The following PMFBP1 variants were observed in gnomAD, a reference collection of about 807,000 sequenced individuals.
PMFBP1 encodes polyamine-modulated factor 1-binding protein 1.
PMFBP1 carries 131 observed loss-of-function variants against 137.8 expected under a neutral mutation model. That is an observed-to-expected ratio of 0.95 (90% CI 0.82 to 1.10). PMFBP1 has a LOEUF of 1.10. PMFBP1 is among the 50% of genes least tolerant of loss of function. The probability of loss-of-function intolerance (pLI) is 0.00; values close to 1 mark genes in which losing one functional copy is unlikely to be tolerated. For synonymous variants in PMFBP1, 490 were observed against 450.4 expected (o/e 1.09, Z -1.11); for missense variants, 1,199 against 1,175.4 (o/e 1.02, Z -0.29).
chr16:72,241,973 C>T, the PMFBP1 span, among the ~76,000 whole-genome samples: 1 of 152,178 alleles, frequency 6.6e-6, no homozygotes, highest in African/African-American at 2.4e-5. Context: ...ATGCCTTGAT[C>T]GACTTGGACC....
Position 72,140,397 on chromosome 16 carries a change from G to T in PMFBP1, c.807+15C>A, listed in dbSNP as rs1006008268. ...GAGGGTCTCCCAGAGACATGTTCTA[G>T]AAGAAGGCACTTACCAAAGCGTTAC... is the stretch of plus-strand genomic sequence containing the variant. On this transcript the variant is annotated intron_variant, in intron 6 of 20. Transcript: ENST00000237353. The T allele has an allele frequency of 1.1e-5, 17 of 1,605,716 alleles. No individual in the cohort carries two copies. The highest frequency in any genetic ancestry group is 5.4e-5 in the African/African-American group (4 of 74,728).
chr16:72,238,210 C>A, the PMFBP1 span, among the ~76,000 whole-genome samples: 1 of 152,170 alleles, frequency 6.6e-6, no homozygotes, highest in East Asian at 1.9e-4. Flanking sequence ...GTTTTTAGGT[C>A]TTTGAGGAGT....
chr16:72,144,407 T>G (rs75638062), intron 5 of PMFBP1, among the ~76,000 whole-genome samples: 341 of 152,166 alleles, frequency 2.2e-3, no homozygotes, highest in African/African-American at 7.8e-3. Context: ...ACTAAAAAAC[T>G]CTGACACTGG....
chr16:72,210,566 G>A, the PMFBP1 span, among the ~76,000 whole-genome samples: 1 of 151,226 alleles, frequency 6.6e-6, no homozygotes, highest in Non-Finnish European at 1.5e-5. Context: ...GTGCAGGTGA[G>A]CAAGGAACCC....
chr16:72,218,744 C>T, the PMFBP1 span, among the ~76,000 whole-genome samples: 2 of 152,180 alleles, frequency 1.3e-5, no homozygotes, highest in African/African-American at 4.8e-5. Flanking sequence ...TCCCTATGCT[C>T]ACTCGCCAAA....
At chr16:72,168,049 T>C (rs545782344) in intron 2 of PMFBP1, among the ~76,000 whole-genome samples, 1 of 152,360 alleles carries the variant, frequency 6.6e-6, no homozygotes, top group South Asian at 2.1e-4. Context: ...TCTCATCTAA[T>C]TTGTACATTT....
the PMFBP1 span, among the ~76,000 whole-genome samples, chr16:72,195,183 C>T: frequency 6.6e-6 from 1 of 152,180 alleles, no homozygotes; most frequent in Non-Finnish European, 1.5e-5. Flanking sequence ...GCGATGGCAC[C>T]AGGGCCCACG....
At chr16:72,168,370 A>T (rs1410004392) in intron 2 of PMFBP1, among the ~76,000 whole-genome samples, 1 of 152,226 alleles carries the variant, frequency 6.6e-6, no homozygotes, top group Non-Finnish European at 1.5e-5. Context: ...AGAAAAGCCA[A>T]TGTTTCTGGG....
At chr16:72,189,194 G>T in the PMFBP1 span, among the ~76,000 whole-genome samples, 10 of 152,198 alleles carry the variant, frequency 6.6e-5, no homozygotes, top group East Asian at 1.9e-3. Flanking sequence ...TCATTCTACA[G>T]TTGAGGAAAC....
At position 72,154,450 on chromosome 16, in the gene PMFBP1, G is replaced by A; in HGVS notation, c.175C>T (p.Gln59Ter). The A allele has an allele frequency of 1.2e-6, 2 of 1,613,782 alleles. No homozygotes were observed. Among genetic ancestry groups the A allele is most frequent in the Non-Finnish European group, 1.7e-6 (2 of 1,179,762 alleles). The change falls in exon 4 of 21, where the codon CAA becomes TAA. Residue 59 changes from glutamine to a stop codon, truncating the protein, a stop_gained. Coordinates refer to ENST00000237353, the MANE Select transcript of PMFBP1 (RefSeq NM_031293.3). LOFTEE classifies it high-confidence loss of function. ...TCCTCGAATGCTAATGCCTGTGCTT[G>A]CTTCTTGTCCTACCATAGAGACAGG... is the stretch of plus-strand genomic sequence containing the variant. ...EAMNSSHDKK[Q>*]AQALAFEESE...
chr16:72,207,952 A>T, the PMFBP1 span, among the ~76,000 whole-genome samples: 19 of 152,266 alleles, frequency 1.2e-4, no homozygotes, highest in Admixed American at 2.0e-4. Flanking sequence ...AAGAAGAGCC[A>T]ATGTTTCAGT....
At chr16:72,176,106 G>T (rs564117051), upstream of PMFBP1, among the ~76,000 whole-genome samples, 4 of 152,270 alleles carry the variant, frequency 2.6e-5, no homozygotes, top group South Asian at 4.2e-4. Context: ...GTTCTGCAGA[G>T]TAACAGTGAA....
chr16:72,226,203 C>A, the PMFBP1 span, among the ~76,000 whole-genome samples: 1 of 152,180 alleles, frequency 6.6e-6, no homozygotes, highest in Non-Finnish European at 1.5e-5. Flanking sequence ...GAGTATTCCT[C>A]TGGGAATTCT....
Position 72,136,544 on chromosome 16 carries a change from C to T in PMFBP1, c.1107G>A (p.Glu369=). 1 of 1,614,060 alleles carries T rather than the reference C, an allele frequency of 6.2e-7. No homozygotes were observed. The highest frequency in any genetic ancestry group is 1.1e-5 in the South Asian group (1 of 91,070). Residue 369 remains glutamate (E), a synonymous_variant, in exon 9 of 21, where the codon GAG becomes GAA. Transcript: ENST00000237353. ...GGATGGTGATGTCCTTATCCTTCCT[C>T]TCAATGTGGGCAGATGTCTCCTCCC... ...GLREETSAHI[E]RKDKDITILQ...
chr16:72,149,198 C>A (rs1217216652), intron 5 of PMFBP1, among the ~76,000 whole-genome samples: 1 of 152,160 alleles, frequency 6.6e-6, no homozygotes, highest in East Asian at 1.9e-4. Flanking sequence ...AAAATTGTAA[C>A]CAGTAAACGT....
the PMFBP1 span, among the ~76,000 whole-genome samples, chr16:72,195,976 A>G: frequency 7.2e-6 from 1 of 137,934 alleles, no homozygotes; most frequent in Non-Finnish European, 1.6e-5. Flanking sequence ...CTCAGAGCTT[A>G]CAGAATGTGT....
At chr16:72,155,075 A>G in intron 3 of PMFBP1, among the ~76,000 whole-genome samples, 1 of 151,978 alleles carries the variant, frequency 6.6e-6, no homozygotes, top group East Asian at 1.9e-4. Flanking sequence ...TTGCTAATCC[A>G]CAATCTATCT....
chr16:72,198,303 T>C, the PMFBP1 span, among the ~76,000 whole-genome samples: 2 of 152,194 alleles, frequency 1.3e-5, no homozygotes, highest in Admixed American at 6.5e-5. Flanking sequence ...CAGAATGCAA[T>C]TGAATTTATT....
rs2042355308 is a variant in PMFBP1 at position 72,120,107 on chromosome 16, A to G, written c.2769-18T>C. ...GGAGGTGGCTGTGGGAAGGAGAGGA[A>G]GGACGGGTTGTGTTGGGGCTGCTGG... is the stretch of plus-strand genomic sequence containing the variant. On this transcript the variant is annotated intron_variant, in intron 19 of 20. Transcript: ENST00000237353. The G allele has an allele frequency of 6.2e-7, 1 of 1,614,170 alleles. No individual in the cohort carries two copies. Among genetic ancestry groups the G allele is most frequent in the African/African-American group, 1.3e-5 (1 of 75,052 alleles).
Sources: gnomAD v4.1 joint callset for allele counts (sites outside exome capture counted in the v4.1 genomes callset) on GRCh38, gnomAD v4.1.1 for gene constraint, MANE v1.5 for transcripts, NCBI Gene and HGNC (gene_info 2026-07-23, HGNC 2026-07-21) for gene names.